The following FNBP1L variants were observed in gnomAD, a reference collection of about 807,000 sequenced individuals.
FNBP1L encodes formin-binding protein 1-like.
A neutral mutation model predicts 91.2 loss-of-function variants in FNBP1L; 36 were observed. The observed-to-expected ratio is 0.39, with a 90% confidence interval of 0.30 to 0.52. The LOEUF (loss-of-function observed/expected upper bound fraction) is 0.52. FNBP1L is among the 20% of genes least tolerant of loss of function. FNBP1L has a pLI of 0.66. For missense variants in FNBP1L, 571 were observed against 732.1 expected, an observed-to-expected ratio of 0.78 and a Z score of 2.54; for synonymous variants, 242 against 237.0, an observed-to-expected ratio of 1.02 and a Z score of -0.19.
intron 1 of FNBP1L, among the ~76,000 whole-genome samples, chr1:93,489,501 A>T (rs1670026702): frequency 6.6e-6 from 1 of 152,110 alleles, no homozygotes; most frequent in African/African-American, 2.4e-5. Flanking sequence ...TTGACAATGG[A>T]GATGACCATG....
At chr1:93,509,640 A>G (rs1670751321) in intron 2 of FNBP1L, among the ~76,000 whole-genome samples, 1 of 152,250 alleles carries the variant, frequency 6.6e-6, no homozygotes, top group Non-Finnish European at 1.5e-5. Flanking sequence ...GCTCCGGTCT[A>G]CAGCTCCCAG....
intron 1 of FNBP1L, among the ~76,000 whole-genome samples, chr1:93,471,808 G>A (rs961587430): frequency 1.3e-5 from 2 of 152,332 alleles, no homozygotes; most frequent in Admixed American, 6.5e-5. Flanking sequence ...TAGTCGATAA[G>A]TTAGTCATTT....
intron 1 of FNBP1L, among the ~76,000 whole-genome samples, chr1:93,487,021 C>G (rs1669934279): frequency 6.6e-6 from 1 of 152,156 alleles, no homozygotes; most frequent in Admixed American, 6.5e-5. Context: ...TCTTCAACTT[C>G]TATCTAATCT....
chr1:93,533,987 G>C (rs1671766191), intron 8 of FNBP1L, among the ~76,000 whole-genome samples: 1 of 152,110 alleles, frequency 6.6e-6, no homozygotes, highest in Non-Finnish European at 1.5e-5. Context: ...GTTAGGGGTG[G>C]GGAGGAATTT....
rs1216103422 is a variant in FNBP1L at position 93,553,526 on chromosome 1, A to T, written c.*1110A>T. ...CCATTTTAATTTCCTCAGTGGTTTT[A>T]TGAGAAGTTTTATGGGCCTCCCCCA... On this transcript the variant is annotated 3_prime_UTR_variant, in exon 17 of 17. Coordinates refer to ENST00000271234, the MANE Select transcript of FNBP1L (RefSeq NM_001164473.3). 1 of 152,626 alleles carries T rather than the reference A, an allele frequency of 6.6e-6. No homozygotes were observed. Among genetic ancestry groups the T allele is most frequent in the East Asian group, 1.9e-4 (1 of 5,200 alleles). 9.5% of individuals were successfully genotyped at this position (152,626 alleles called of 1,614,324 possible). A position where few individuals can be genotyped will look rare whatever the true frequency, so the allele number is the denominator to read the frequency against.
Position 93,534,923 on chromosome 1 carries a change from A to G in FNBP1L, c.990+15A>G. ...AGAAGCCAAAGGTAAAAGTCATAAA[A>G]TTCCTATATGCTAATCAGTTTAAGT... On this transcript the variant is annotated intron_variant, in intron 9 of 16. Coordinates refer to ENST00000271234, the MANE Select transcript of FNBP1L (RefSeq NM_001164473.3). The G allele has an allele frequency of 6.4e-7, 1 of 1,553,966 alleles. No individual in the cohort carries two copies. The highest frequency in any genetic ancestry group is 1.2e-5 in the South Asian group (1 of 84,154).
At position 93,476,306 on chromosome 1, in the gene FNBP1L, T is replaced by G. The variant is rs184333443; in HGVS notation, c.25-23162T>G. On this transcript the variant is annotated intron_variant, in intron 1 of 16. Transcript: ENST00000271234. ...ATCTAGTCCAGTGTCATTTACTAGC[T>G]GGTAAACCCTGAGCCTTACTTTCCA... Among the ~76,000 whole-genome samples the G allele has an allele frequency of 1.6e-4, 24 of 152,334 alleles. No homozygotes were observed. The East Asian group carries it at 4.0e-3, about 26-fold the overall frequency.
chr1:93,517,905 C>T (rs1480813811), intron 2 of FNBP1L, among the ~76,000 whole-genome samples: 1 of 152,204 alleles, frequency 6.6e-6, no homozygotes, highest in Non-Finnish European at 1.5e-5. Flanking sequence ...GTGGGCAAGT[C>T]ACTTAATGTG....
At chr1:93,521,978 T>G in intron 2 of FNBP1L, 104 bp from the exon 3 acceptor site, 1 of 574,542 alleles carries the variant, frequency 1.7e-6, no homozygotes, top group Middle Eastern at 5.3e-4. Flanking sequence ...TTAATTGTTT[T>G]ATATCATAAA....
chr1:93,497,776 C>T (rs1032475901), intron 1 of FNBP1L, among the ~76,000 whole-genome samples: 6 of 152,156 alleles, frequency 3.9e-5, no homozygotes, highest in Middle Eastern at 3.4e-3. Context: ...CGTGCCACCA[C>T]GCCTGGCCAA....
chr1:93,477,992 C>G (rs1441752413), intron 1 of FNBP1L, among the ~76,000 whole-genome samples: 2 of 152,166 alleles, frequency 1.3e-5, no homozygotes, highest in Non-Finnish European at 1.5e-5. Context: ...TTTAAAATGT[C>G]TGGAACACAC....
chr1:93,550,892 C>G lies in FNBP1L; in HGVS notation c.1652-55C>G, dbSNP rs527618144. On this transcript the variant is annotated intron_variant, in intron 15 of 16. Coordinates refer to ENST00000271234, the MANE Select transcript of FNBP1L (RefSeq NM_001164473.3). ...TGTATTTTGTGCATTGTATTAGTAA[C>G]TTTAAAAAAAATTATCACAATGCTT... The G allele has an allele frequency of 4.2e-6, 6 of 1,443,146 alleles. No homozygotes were observed. In the South Asian group the frequency reaches 8.1e-5, roughly 20 times the overall value. The allele number at this position is 1,443,146 out of a possible 1,614,324, so 89.4% of individuals were successfully genotyped here. A position where few individuals can be genotyped will look rare whatever the true frequency, so the allele number is the denominator to read the frequency against.
At chr1:93,515,554 G>T (rs1323126619) in intron 2 of FNBP1L, among the ~76,000 whole-genome samples, 1 of 152,052 alleles carries the variant, frequency 6.6e-6, no homozygotes, top group Non-Finnish European at 1.5e-5. Flanking sequence ...AGAAAATGTG[G>T]CACATATACA....
chr1:93,451,742 C>T (rs746903929), intron 1 of FNBP1L, among the ~76,000 whole-genome samples: 4 of 152,000 alleles, frequency 2.6e-5, no homozygotes, highest in Non-Finnish European at 5.9e-5. Flanking sequence ...ACCTCAGCCT[C>T]CCTGGTTCAA....
chr1:93,515,448 A>G (rs568708418), intron 2 of FNBP1L, among the ~76,000 whole-genome samples: 1 of 152,102 alleles, frequency 6.6e-6, no homozygotes, highest in African/African-American at 2.4e-5. Flanking sequence ...TCATGCTGCT[A>G]TAAAGACACA....
Position 93,492,140 on chromosome 1 carries a change from G to A in FNBP1L, c.25-7328G>A, listed in dbSNP as rs565787402. On this transcript the variant is annotated intron_variant, in intron 1 of 16. Coordinates refer to ENST00000271234, the MANE Select transcript of FNBP1L (RefSeq NM_001164473.3). ...TTTGAGTACTGGAGAAAATAAGAAT[G>A]ACATTTAGTTTTTAAAAACAATCTG... 7.4e-4 allele frequency among the ~76,000 whole-genome samples: 113 copies of A among 152,240 alleles called. 1 individual carries two copies. In the South Asian group the frequency reaches 0.023, roughly 31 times the overall value.
rs776803200 is a variant in FNBP1L, at chr1:93,552,473, T to TG, written c.*62dup. On this transcript the variant is annotated 3_prime_UTR_variant, in exon 17 of 17. Coordinates refer to ENST00000271234, the MANE Select transcript of FNBP1L (RefSeq NM_001164473.3). ...GAAGGAGGTTACATGCAGCTGCTTT[T>TG]GGGGGAGGGTATTAGAGTTGTCAGG... The TG allele has an allele frequency of 8.2e-5, 132 of 1,602,538 alleles. No individual in the cohort carries two copies. The highest frequency in any genetic ancestry group is 1.1e-4 in the Non-Finnish European group (127 of 1,172,034).
intron 1 of FNBP1L, among the ~76,000 whole-genome samples, chr1:93,451,896 C>G (rs144115570): frequency 2.0e-5 from 3 of 152,118 alleles, no homozygotes; most frequent in African/African-American, 7.2e-5. Context: ...GTGATCCGCC[C>G]GCCTCGGCCT....
rs1672449552 is a variant in FNBP1L, at chr1:93,552,641, AAAG to A, written c.*228_*230del. 1.6e-5 allele frequency: 7 copies of A among 428,518 alleles called. No individual in the cohort carries two copies. The highest frequency in any genetic ancestry group is 8.2e-4 in the Middle Eastern group (2 of 2,452). 26.5% of individuals were successfully genotyped at this position (428,518 alleles called of 1,614,324 possible). A position where few individuals can be genotyped will look rare whatever the true frequency, so the allele number is the denominator to read the frequency against. On this transcript the variant is annotated 3_prime_UTR_variant, in exon 17 of 17. Coordinates refer to ENST00000271234, the MANE Select transcript of FNBP1L (RefSeq NM_001164473.3). ...TTCCTAGTTCACAGTTATTCCCACAAAAGAAAAAGCCAACAATAGTGTACCATT... is the reference window on the plus strand; with the variant it reads ...TTCCTAGTTCACAGTTATTCCCACAAAAAAAGCCAACAATAGTGTACCATT...
Sources: allele counts gnomAD v4.1 joint callset (sites outside exome capture counted in the v4.1 genomes callset), GRCh38; gene constraint gnomAD v4.1.1; transcripts MANE v1.5; gene names NCBI Gene and HGNC (gene_info 2026-07-23, HGNC 2026-07-21).